HNF4A: variants seen among roughly 807,000 people sequenced by gnomAD.
HNF4A encodes hepatocyte nuclear factor 4 alpha, also known as hepatocyte nuclear factor 4-alpha.
In HNF4A, 15 loss-of-function variants were observed where a neutral mutation model predicts 52.4. The ratio of observed to expected loss-of-function variants is 0.29; its 90% CI spans 0.19 to 0.44. The LOEUF is 0.44. Among genes scored for constraint, HNF4A ranks in the 20% least tolerant of loss-of-function variants. HNF4A has a pLI of 1.00. For synonymous variants in HNF4A, 280 were observed against 264.4 expected (o/e 1.06, Z -0.57); for missense variants, 479 against 647.2 (o/e 0.74, Z 2.82).
intron 7 of HNF4A, among the ~76,000 whole-genome samples, chr20:44,423,710 C>T (rs572866054): frequency 6.6e-6 from 1 of 152,328 alleles, no homozygotes; most frequent in African/African-American, 2.4e-5. Flanking sequence ...TCTGGGTTTC[C>T]CCGTGTGTAA....
intron 1 of HNF4A, among the ~76,000 whole-genome samples, chr20:44,371,390 G>A (rs1357345474): frequency 6.6e-6 from 1 of 152,178 alleles, no homozygotes; most frequent in Non-Finnish European, 1.5e-5. Flanking sequence ...TAATTCTCCT[G>A]CCTCAGCCTC....
chr20:44,393,655 A>G (rs1419287912), intron 1 of HNF4A, among the ~76,000 whole-genome samples: 1 of 152,114 alleles, frequency 6.6e-6, no homozygotes, highest in East Asian at 1.9e-4. Context: ...TGGGAGGATC[A>G]AGGAAGTAAC....
In HNF4A at chr20:44,405,915, G is replaced by T. The variant is rs543889789; in HGVS notation, c.116-143G>T. ...AACTGAAGCTCCAAAAAGTCAGGAG[G>T]TCACTGAGTGGGGAGGTGATGGAGT... is the stretch of plus-strand genomic sequence containing the variant. On this transcript the variant is annotated intron_variant, in intron 1 of 9. Coordinates refer to ENST00000316099, the MANE Select transcript of HNF4A (RefSeq NM_000457.6). 3.3e-5 allele frequency: 26 copies of T among 796,980 alleles called. No individual in the cohort carries two copies. In the Admixed American group the frequency reaches 4.4e-4, roughly 13 times the overall value. 49.4% of individuals were successfully genotyped at this position (796,980 alleles called of 1,614,324 possible).
chr20:44,429,726 T>G lies in HNF4A; in HGVS notation c.*61T>G, dbSNP rs1164866614. 6.5e-7 allele frequency: 1 copy of G among 1,547,056 alleles called. No individual in the cohort carries two copies. The highest frequency in any genetic ancestry group is 1.4e-5 in the African/African-American group (1 of 73,512). On this transcript the variant is annotated 3_prime_UTR_variant, in exon 10 of 10. Coordinates refer to ENST00000316099, the MANE Select transcript of HNF4A (RefSeq NM_000457.6). Reference sequence around the variant, plus strand: ...CCCAGCCCCCTAAGAGAGCACCTGGTGATCACGTGGTCACGGCAAAGGAAG... The same window carrying G: ...CCCAGCCCCCTAAGAGAGCACCTGGGGATCACGTGGTCACGGCAAAGGAAG...
At chr20:44,380,205 C>G (rs2063137568) in intron 1 of HNF4A, among the ~76,000 whole-genome samples, 1 of 152,212 alleles carries the variant, frequency 6.6e-6, no homozygotes, top group African/African-American at 2.4e-5. Flanking sequence ...ATTTGCACTT[C>G]CCTAATGATT....
intron 8 of HNF4A, chr20:44,424,605 A>G: frequency 7.1e-7 from 1 of 1,409,770 alleles, no homozygotes; most frequent in African/African-American, 1.4e-5. Flanking sequence ...ATAAAGCCTC[A>G]CATTTTATGA....
intron 3 of HNF4A, among the ~76,000 whole-genome samples, chr20:44,410,874 C>G (rs2063571625): frequency 6.6e-6 from 1 of 152,026 alleles, no homozygotes; most frequent in Non-Finnish European, 1.5e-5. Flanking sequence ...ATTTCTTGAT[C>G]TAGATGGCTG....
chr20:44,401,723 C>T (rs1475588023), intron 1 of HNF4A, among the ~76,000 whole-genome samples: 1 of 152,230 alleles, frequency 6.6e-6, no homozygotes, highest in African/African-American at 2.4e-5. Context: ...AAGTCGATCC[C>T]GGCTATTCCT....
intron 1 of HNF4A, among the ~76,000 whole-genome samples, chr20:44,366,792 T>G (rs1318477417): frequency 6.6e-6 from 1 of 152,100 alleles, no homozygotes; most frequent in Non-Finnish European, 1.5e-5. Flanking sequence ...CTTTTAAAAA[T>G]TAAGGTATAT....
intron 1 of HNF4A, chr20:44,392,158 A>G (rs1459004853): frequency 6.6e-6 from 1 of 152,172 alleles, no homozygotes; most frequent in Non-Finnish European, 1.5e-5. Context: ...CATAACAACA[A>G]TAATAGTCTT....
At chr20:44,404,951 C>G (rs1363898399) in intron 1 of HNF4A, among the ~76,000 whole-genome samples, 1 of 9,082 alleles carries the variant, frequency 1.1e-4, no homozygotes, top group South Asian at 4.0e-3. Context: ...TGTGTGGGAA[C>G]TGTGTGGTGT....
At chr20:44,369,336 G>T (rs1374552730) in intron 1 of HNF4A, among the ~76,000 whole-genome samples, 2 of 151,040 alleles carry the variant, frequency 1.3e-5, no homozygotes, top group South Asian at 2.1e-4. Flanking sequence ...GAGGATGAGT[G>T]GGGGGATCGT....
chr20:44,406,310 T>G, intron 2 of HNF4A, 78 bp downstream of exon 2: 1 of 1,343,696 alleles, frequency 7.4e-7, no homozygotes, highest in East Asian at 2.4e-5. Context: ...TCTCCCTGAG[T>G]GGGTAGGTCC....
chr20:44,408,588 G>A (rs903800389), intron 3 of HNF4A, among the ~76,000 whole-genome samples: 5 of 152,052 alleles, frequency 3.3e-5, no homozygotes, highest in African/African-American at 4.8e-5. Context: ...TTAGCTGGGC[G>A]TGGTGGTGCA....
intron 1 of HNF4A, among the ~76,000 whole-genome samples, chr20:44,402,400 G>T (rs1228227299): frequency 2.0e-5 from 3 of 152,116 alleles, no homozygotes; most frequent in African/African-American, 7.2e-5. Flanking sequence ...GCCCATATTT[G>T]TACCTGCTGT....
intron 1 of HNF4A, among the ~76,000 whole-genome samples, chr20:44,381,481 G>T (rs537272226): frequency 6.6e-6 from 1 of 152,160 alleles, no homozygotes; most frequent in East Asian, 1.9e-4. Flanking sequence ...GTTTCACCAT[G>T]TTGGCCACGT....
In HNF4A at chr20:44,414,562, G is replaced by A; in HGVS notation, c.548G>A (p.Ser183Asn). 6.2e-7 allele frequency: 1 copy of A among 1,614,234 alleles called. No individual in the cohort carries two copies. ...GACATTCGGGCGAAGAAGATTGCCAGCATCGCAGATGTGTGTGAGTCCATG... is the reference window on the plus strand; with the variant it reads ...GACATTCGGGCGAAGAAGATTGCCAACATCGCAGATGTGTGTGAGTCCATG... The change falls in exon 5 of 10, where the codon AGC (serine) becomes AAC (asparagine). Residue 183 changes from serine to asparagine, a missense_variant. Ser to Asn is a conservative substitution (Grantham distance 46). Transcript: ENST00000316099.
At chr20:44,363,734 A>G (rs1375945618) in intron 1 of HNF4A, among the ~76,000 whole-genome samples, 2 of 130,204 alleles carry the variant, frequency 1.5e-5, no homozygotes, top group Non-Finnish European at 3.1e-5. Context: ...TTTTTGAGAC[A>G]GAGTCTCAAT....
chr20:44,418,623 C>G (rs995864334), intron 6 of HNF4A, 111 bp downstream of exon 6: 48 of 813,816 alleles, frequency 5.9e-5, no homozygotes, highest in Admixed American at 3.6e-4. Flanking sequence ...GGAGACTAGT[C>G]AGGAGTGGCC....
Sources: gnomAD v4.1 joint callset for allele counts (sites outside exome capture counted in the v4.1 genomes callset) on GRCh38, gnomAD v4.1.1 for gene constraint, MANE v1.5 for transcripts, NCBI Gene and HGNC (gene_info 2026-07-23, HGNC 2026-07-21) for gene names.